PLA2G4A: variants seen among roughly 807,000 people sequenced by gnomAD.
The protein encoded by PLA2G4A is cytosolic phospholipase A2.
PLA2G4A carries 40 observed loss-of-function variants against 81.9 expected under a neutral mutation model. That is an observed-to-expected ratio of 0.49 (90% CI 0.38 to 0.64). The LOEUF is 0.64. PLA2G4A is among the 30% of genes least tolerant of loss of function. The probability of loss-of-function intolerance (pLI) is 0.00; values close to 1 mark genes in which losing one functional copy is unlikely to be tolerated. For missense variants in PLA2G4A, 715 were observed against 905.1 expected (o/e 0.79, Z 2.69); for synonymous variants, 302 against 296.9 (o/e 1.02, Z -0.18).
intron 2 of PLA2G4A, among the ~76,000 whole-genome samples, chr1:186,861,813 AT>A: frequency 6.6e-6 from 1 of 152,156 alleles, no homozygotes; most frequent in Non-Finnish European, 1.5e-5. Context: ...TATGACAGTT[AT>A]TTTCTACATC....
chr1:186,886,974 G>T (rs1653957822), intron 3 of PLA2G4A, among the ~76,000 whole-genome samples: 1 of 152,128 alleles, frequency 6.6e-6, no homozygotes, highest in African/African-American at 2.4e-5. Context: ...TTGTCAAAAT[G>T]CAGATTTCCA....
At chr1:186,935,144 A>G (rs1655895367) in intron 8 of PLA2G4A, among the ~76,000 whole-genome samples, 1 of 152,004 alleles carries the variant, frequency 6.6e-6, no homozygotes, top group Non-Finnish European at 1.5e-5. Flanking sequence ...TGGGTGTTTT[A>G]ATAATGTTGA....
intron 3 of PLA2G4A, among the ~76,000 whole-genome samples, chr1:186,873,404 C>T (rs548892512): frequency 1.3e-4 from 20 of 152,160 alleles, no homozygotes; most frequent in Non-Finnish European, 2.6e-4. Flanking sequence ...AGACCAGGAT[C>T]GCAGAATTCT....
chr1:186,901,171 G>C (rs886539581), intron 5 of PLA2G4A, among the ~76,000 whole-genome samples: 1 of 152,174 alleles, frequency 6.6e-6, no homozygotes, highest in Admixed American at 6.5e-5. Flanking sequence ...AAATTTGAGA[G>C]ACCTTTCGCT....
At chr1:186,968,393 G>GGTGTGT (rs1291464246) in intron 15 of PLA2G4A, among the ~76,000 whole-genome samples, 5,299 of 31,516 alleles carry the variant, frequency 0.17, 113 homozygotes, top group Middle Eastern at 0.21. Context: ...CTCTTTTCGC[G>GGTGTGT]GTGTGTATGT....
chr1:186,925,484 C>A lies in PLA2G4A; in HGVS notation c.559-7279C>A, dbSNP rs555430799. 6.6e-5 allele frequency among the ~76,000 whole-genome samples: 10 copies of A among 152,308 alleles called. No individual in the cohort carries two copies. In the South Asian group the frequency reaches 2.1e-3, roughly 32 times the overall value. ...TGCCAGTTTATCCCAAATTTCTTTA[C>A]TCCCTCCCAGTAAGCACCTCTTAGT... On this transcript the variant is annotated intron_variant, in intron 7 of 17. Transcript: ENST00000367466.
chr1:186,869,276 T>C (rs1653152769), intron 2 of PLA2G4A, among the ~76,000 whole-genome samples: 1 of 152,284 alleles, frequency 6.6e-6, no homozygotes, highest in South Asian at 2.1e-4. Context: ...CATTTATGTA[T>C]AATAAAACTT....
chr1:186,873,405 G>T (rs1040827794), intron 3 of PLA2G4A, among the ~76,000 whole-genome samples: 3 of 152,018 alleles, frequency 2.0e-5, no homozygotes, highest in Admixed American at 6.6e-5. Flanking sequence ...GACCAGGATC[G>T]CAGAATTCTA....
chr1:186,902,769 T>C lies in PLA2G4A; in HGVS notation c.379-4196T>C, dbSNP rs118033119. Among the ~76,000 whole-genome samples the C allele has an allele frequency of 4.1e-4, 62 of 151,448 alleles. 1 individual carries two copies. The East Asian group carries it at 0.012, about 29-fold the overall frequency. On this transcript the variant is annotated intron_variant, in intron 5 of 17. Transcript: ENST00000367466. ...TCTTTAACTGTAATTTTCTACTACC[T>C]ACCCAAATCCTATAAAACTGCCCCA...
chr1:186,934,588 TCA>T (rs1462124494), intron 8 of PLA2G4A, among the ~76,000 whole-genome samples: 1 of 151,444 alleles, frequency 6.6e-6, no homozygotes, highest in Non-Finnish European at 1.5e-5. Flanking sequence ...ACTCTATCTT[TCA>T]CAGTCTTATT....
chr1:186,844,864 T>C (rs1419932039), intron 1 of PLA2G4A, among the ~76,000 whole-genome samples: 1 of 152,192 alleles, frequency 6.6e-6, no homozygotes, highest in Non-Finnish European at 1.5e-5. Context: ...TACTTGAATT[T>C]CTTAGAAATC....
intron 13 of PLA2G4A, among the ~76,000 whole-genome samples, chr1:186,955,887 C>A (rs1415383324): frequency 7.9e-6 from 1 of 127,156 alleles, no homozygotes; most frequent in Non-Finnish European, 1.7e-5. Context: ...GTGCACGCCA[C>A]CATGACCAGC....
chr1:186,878,542 G>T (rs1653605074), intron 3 of PLA2G4A, among the ~76,000 whole-genome samples: 1 of 151,554 alleles, frequency 6.6e-6, no homozygotes, highest in Non-Finnish European at 1.5e-5. Context: ...GATGAGTAAA[G>T]TGTTTCATAA....
intron 7 of PLA2G4A, among the ~76,000 whole-genome samples, chr1:186,918,098 A>G (rs1418494464): frequency 6.6e-6 from 1 of 152,146 alleles, no homozygotes; most frequent in Non-Finnish European, 1.5e-5. Flanking sequence ...TCTGGGTGGA[A>G]GAAGTCTTTT....
At chr1:186,865,722 A>T (rs1653002955) in intron 2 of PLA2G4A, among the ~76,000 whole-genome samples, 1 of 152,200 alleles carries the variant, frequency 6.6e-6, no homozygotes. Flanking sequence ...TTCTTGTCTT[A>T]TAACAGTAGA....
intron 1 of PLA2G4A, among the ~76,000 whole-genome samples, chr1:186,834,595 A>C (rs1484946362): frequency 1.3e-5 from 2 of 152,074 alleles, no homozygotes; most frequent in Non-Finnish European, 2.9e-5. Context: ...CTGCCCTTAT[A>C]ACTTGATTAC....
intron 1 of PLA2G4A, among the ~76,000 whole-genome samples, chr1:186,840,859 G>A (rs1357913860): frequency 1.3e-5 from 2 of 152,196 alleles, no homozygotes; most frequent in Non-Finnish European, 2.9e-5. Flanking sequence ...AGCAATTAAA[G>A]AGGGAGTGGA....
At chr1:186,891,995 G>T (rs1052935595) in intron 3 of PLA2G4A, among the ~76,000 whole-genome samples, 5 of 152,124 alleles carry the variant, frequency 3.3e-5, no homozygotes, top group African/African-American at 1.2e-4. Flanking sequence ...TTATCCAGGT[G>T]AGATGAGATC....
chr1:186,840,929 A>G (rs1651956929), intron 1 of PLA2G4A, among the ~76,000 whole-genome samples: 1 of 152,234 alleles, frequency 6.6e-6, no homozygotes, highest in Non-Finnish European at 1.5e-5. Context: ...TCCAGTCTAG[A>G]GAGAAAAGAT....
Sources: gnomAD v4.1 joint callset for allele counts (sites outside exome capture counted in the v4.1 genomes callset) on GRCh38, gnomAD v4.1.1 for gene constraint, MANE v1.5 for transcripts, NCBI Gene and HGNC (gene_info 2026-07-23, HGNC 2026-07-21) for gene names.